Variants in AIG1 observed in about 807,000 individuals in gnomAD.
AIG1 encodes the protein androgen induced 1.
Under a neutral mutation model 31.4 loss-of-function variants are expected in AIG1, and 23 were observed. The observed-to-expected ratio is 0.73, with a 90% CI of 0.53 to 1.04. The LOEUF (loss-of-function observed/expected upper bound fraction) is 1.04, where lower values mean the gene tolerates loss of function less well. Among genes scored for constraint, AIG1 ranks in the 50% least tolerant of loss-of-function variants. The pLI, the probability that AIG1 is intolerant of heterozygous loss-of-function variation, is 0.00. For synonymous variants in AIG1, 100 were observed against 110.5 expected (o/e 0.90, Z 0.60); for missense variants, 274 against 295.0 (o/e 0.93, Z 0.52).
At chr6:143,319,629 CAT>C (rs1776040717) in intron 4 of AIG1, among the ~76,000 whole-genome samples, 1 of 151,826 alleles carries the variant, frequency 6.6e-6, no homozygotes, top group South Asian at 2.1e-4. Context: ...TGAAATGAAA[CAT>C]AATAATTTTT....
intron 3 of AIG1, among the ~76,000 whole-genome samples, chr6:143,174,989 T>TA (rs1473223829): frequency 6.6e-6 from 1 of 152,248 alleles, no homozygotes; most frequent in Non-Finnish European, 1.5e-5. Flanking sequence ...TAGCAGTTCT[T>TA]ATAGTGCTGG....
chr6:143,264,397 G>C (rs1796012054), intron 3 of AIG1, among the ~76,000 whole-genome samples: 1 of 152,264 alleles, frequency 6.6e-6, no homozygotes, highest in East Asian at 1.9e-4. Flanking sequence ...GTTCTCAGCA[G>C]GCATCTTCAA....
intron 1 of AIG1, among the ~76,000 whole-genome samples, chr6:143,073,643 A>G (rs1777487375): frequency 6.6e-6 from 1 of 152,196 alleles, no homozygotes. Context: ...GTAATTTATA[A>G]GAAAAGAGGT....
chr6:143,129,873 A>AT (rs1224007181), intron 1 of AIG1, among the ~76,000 whole-genome samples: 1 of 148,482 alleles, frequency 6.7e-6, no homozygotes. Flanking sequence ...TGATTAATTG[A>AT]TTTTTTATCA....
downstream of AIG1, chr6:143,342,469 AG>A (rs1482602686): frequency 1.3e-5 from 10 of 783,068 alleles, no homozygotes; most frequent in Non-Finnish European, 2.4e-5. Context: ...GAAGCATACA[AG>A]AGAAGTGCTT....
At chr6:143,310,267 T>TA (rs899580802) in intron 4 of AIG1, among the ~76,000 whole-genome samples, 8 of 151,766 alleles carry the variant, frequency 5.3e-5, no homozygotes, top group African/African-American at 1.7e-4. Context: ...TTAACAGAGT[T>TA]AAAAAAATAG....
At chr6:143,102,907 T>G (rs1191722370) in intron 1 of AIG1, among the ~76,000 whole-genome samples, 3 of 152,184 alleles carry the variant, frequency 2.0e-5, no homozygotes, top group African/African-American at 7.2e-5. Flanking sequence ...TTTACTTTAT[T>G]TTTTTGTTTG....
intron 3 of AIG1, among the ~76,000 whole-genome samples, chr6:143,226,498 C>A (rs913264177): frequency 1.3e-5 from 2 of 152,044 alleles, no homozygotes; most frequent in African/African-American, 4.8e-5. Context: ...CCCGCCTTGG[C>A]CTCCCAAAGT....
intron 3 of AIG1, among the ~76,000 whole-genome samples, chr6:143,263,186 C>T (rs1386494738): frequency 6.6e-6 from 1 of 152,120 alleles, no homozygotes; most frequent in Non-Finnish European, 1.5e-5. Context: ...AAATGGTTCC[C>T]TAGCAAAGCA....
intron 4 of AIG1, among the ~76,000 whole-genome samples, chr6:143,315,684 A>G (rs1775684415): frequency 6.6e-6 from 1 of 152,162 alleles, no homozygotes; most frequent in African/African-American, 2.4e-5. Flanking sequence ...AATGGATCAT[A>G]GACTTAAATG....
At chr6:143,071,674 G>A (rs565513066) in intron 1 of AIG1, among the ~76,000 whole-genome samples, 2 of 151,788 alleles carry the variant, frequency 1.3e-5, no homozygotes, top group Non-Finnish European at 1.5e-5. Flanking sequence ...TGGTGGTAGT[G>A]GTGGTTCTTT....
intron 3 of AIG1, among the ~76,000 whole-genome samples, chr6:143,210,951 A>C (rs983482263): frequency 1.3e-5 from 2 of 152,190 alleles, no homozygotes; most frequent in Non-Finnish European, 2.9e-5. Context: ...AATGTGTTTT[A>C]TGAAGTTTTT....
At chr6:143,139,950 A>G (rs1784110070) in intron 2 of AIG1, among the ~76,000 whole-genome samples, 3 of 152,172 alleles carry the variant, frequency 2.0e-5, no homozygotes. Flanking sequence ...CCTCTTTACA[A>G]GTATTTGTAT....
At position 143,107,179 on chromosome 6, in the gene AIG1, G is replaced by A. The variant is rs182447321; in HGVS notation, c.142-29656G>A. 3.8e-3 allele frequency among the ~76,000 whole-genome samples: 572 copies of A among 152,234 alleles called. 1 individual carries two copies. Among genetic ancestry groups the A allele is most frequent in the Non-Finnish European group, 4.4e-3 (302 of 68,014 alleles). ...CACAGGTAAATGAAGTTTTTATAAC[G>A]TAGCACTGTTTTAGGAAAGCCTTCA... On this transcript the variant is annotated intron_variant, in intron 1 of 5. Transcript: ENST00000357847.
In AIG1 at chr6:143,299,990, G is replaced by T. The variant is rs1415669798; in HGVS notation, c.515+15765G>T. ...GACACTGCTGTGAAACATCCACCGT[G>T]CACCACCACCGGGCTAGAATCTTAT... On this transcript the variant is annotated intron_variant, in intron 4 of 5. Transcript: ENST00000357847. The surrounding 1 kb of genome is among the most constrained non-coding windows in gnomAD (Gnocchi z 4.1). Among the ~76,000 whole-genome samples the T allele has an allele frequency of 1.3e-5, 2 of 152,160 alleles. No individual in the cohort carries two copies. Among genetic ancestry groups the T allele is most frequent in the Non-Finnish European group, 2.9e-5 (2 of 68,036 alleles).
At chr6:143,108,121 G>A (rs906509758) in intron 1 of AIG1, among the ~76,000 whole-genome samples, 1 of 150,158 alleles carries the variant, frequency 6.7e-6, no homozygotes, top group African/African-American at 2.4e-5. Flanking sequence ...TATAGGCAAG[G>A]TCTTACCCTA....
intron 2 of AIG1, among the ~76,000 whole-genome samples, chr6:143,162,138 A>G (rs958465438): frequency 3.3e-5 from 5 of 152,224 alleles, no homozygotes; most frequent in Non-Finnish European, 7.3e-5. Flanking sequence ...AAACTAACAA[A>G]AAAGAATGTA....
chr6:143,139,356 G>T (rs1332146179), intron 2 of AIG1, among the ~76,000 whole-genome samples: 1 of 149,574 alleles, frequency 6.7e-6, no homozygotes, highest in African/African-American at 2.5e-5. Flanking sequence ...TGTGGGTGCA[G>T]CTGTCCTAGT....
chr6:143,293,527 C>T lies in AIG1; in HGVS notation c.515+9302C>T, dbSNP rs1798201928. ...CCTGACAACAGAGAGTATGTCTTGC[C>T]CTTGGTGCCTGAGAATGTCCACTTG... On this transcript the variant is annotated intron_variant, in intron 4 of 5. Coordinates refer to ENST00000357847, the MANE Select transcript of AIG1 (RefSeq NM_016108.4). The surrounding 1 kb of genome is among the most constrained non-coding windows in gnomAD (Gnocchi z 4.8). Among the ~76,000 whole-genome samples the T allele has an allele frequency of 6.6e-6, 1 of 152,108 alleles. No individual in the cohort carries two copies. The highest frequency in any genetic ancestry group is 2.4e-5 in the African/African-American group (1 of 41,428).
Sources: gnomAD v4.1 joint callset for allele counts (sites outside exome capture counted in the v4.1 genomes callset) on GRCh38, gnomAD v4.1.1 for gene constraint, Gnocchi (gnomAD v3.1) non-coding constraint, MANE v1.5 for transcripts, NCBI Gene and HGNC (gene_info 2026-07-23, HGNC 2026-07-21) for gene names.